Variants in PHYHIP observed in about 807,000 individuals in gnomAD.
The protein encoded by PHYHIP is phytanoyl-CoA 2-hydroxylase interacting protein.
Under a neutral mutation model 26.1 loss-of-function variants are expected in PHYHIP, and 7 were observed. That is an observed-to-expected ratio of 0.27 (90% CI 0.15 to 0.50). The LOEUF is 0.50. PHYHIP is among the 20% of genes least tolerant of loss of function. The pLI is 0.98. For synonymous variants in PHYHIP, 206 were observed against 183.4 expected (o/e 1.12, Z -1.00); for missense variants, 232 against 454.7 (o/e 0.51, Z 4.45).
chr8:22,230,919 A>G (rs12541335), intron 1 of PHYHIP, among the ~76,000 whole-genome samples: 52,305 of 152,100 alleles, frequency 0.34, 10,135 homozygotes, highest in Non-Finnish European at 0.45. Flanking sequence ...ACCAACATGC[A>G]TGTGTGCCAC....
chr8:22,225,433 G>A (rs1829722681), intron 3 of PHYHIP, among the ~76,000 whole-genome samples: 1 of 152,026 alleles, frequency 6.6e-6, no homozygotes, highest in Non-Finnish European at 1.5e-5. Flanking sequence ...TGCTGAGGCT[G>A]CAGTGAGCCA....
chr8:22,221,091 A>G lies in PHYHIP; in HGVS notation c.*262T>C. On this transcript the variant is annotated 3_prime_UTR_variant, in exon 5 of 5. Coordinates refer to ENST00000454243, the MANE Select transcript of PHYHIP (RefSeq NM_014759.5). The surrounding 1 kb of genome is among the most constrained non-coding windows in gnomAD (Gnocchi z 7.9). ...CAGTAGGACAAGGAAACCAGAGGAA[A>G]GGGGAAGTTCTCCAGAAGTCCAGCC... The G allele has an allele frequency of 2.2e-6, 1 of 453,408 alleles. No homozygotes were observed. Among genetic ancestry groups the G allele is most frequent in the Non-Finnish European group, 3.9e-6 (1 of 255,444 alleles). 28.1% of individuals were successfully genotyped at this position (453,408 alleles called of 1,614,324 possible). A position where few individuals can be genotyped will look rare whatever the true frequency, so the allele number is the denominator to read the frequency against.
At chr8:22,230,009 A>C (rs1586495675) in intron 1 of PHYHIP, among the ~76,000 whole-genome samples, 1 of 152,126 alleles carries the variant, frequency 6.6e-6, no homozygotes, top group Non-Finnish European at 1.5e-5. Context: ...GTGCATGGGG[A>C]ATCCTATGGT....
chr8:22,222,681 C>T (rs541534609), intron 4 of PHYHIP, among the ~76,000 whole-genome samples: 2 of 152,328 alleles, frequency 1.3e-5, no homozygotes, highest in East Asian at 3.9e-4. Flanking sequence ...TTTATCTTTA[C>T]ATCCTGGCAC....
chr8:22,225,746 A>T (rs1354539600), intron 3 of PHYHIP, among the ~76,000 whole-genome samples: 1 of 150,628 alleles, frequency 6.6e-6, no homozygotes, highest in African/African-American at 2.4e-5. Context: ...CGGAGATTGC[A>T]GTGAGCCGAG....
chr8:22,224,537 G>A (rs1013562803), intron 3 of PHYHIP, among the ~76,000 whole-genome samples, 194 bp from the exon 4 acceptor site: 1 of 152,176 alleles, frequency 6.6e-6, no homozygotes, highest in Non-Finnish European at 1.5e-5. Flanking sequence ...AACACAGAGC[G>A]CTGCATACTG....
intron 1 of PHYHIP, chr8:22,228,883 G>A (rs1166740729): frequency 6.5e-6 from 1 of 153,774 alleles, no homozygotes; most frequent in Non-Finnish European, 1.4e-5. Context: ...CCTCACTGGG[G>A]TCAGCAAGCG....
At chr8:22,228,956 G>C (rs1829813966) in intron 1 of PHYHIP, 2 of 152,414 alleles carry the variant, frequency 1.3e-5, no homozygotes, top group Admixed American at 1.3e-4. Context: ...CATTCGTGGT[G>C]GGAGGGGTAC....
intron 2 of PHYHIP, among the ~76,000 whole-genome samples, chr8:22,227,422 G>A (rs1185537269): frequency 3.9e-5 from 6 of 152,166 alleles, no homozygotes; most frequent in Admixed American, 3.9e-4. Context: ...GGGTTAAGGG[G>A]GTGGTGTTGA....
chr8:22,222,584 C>G (rs1373353843), intron 4 of PHYHIP, among the ~76,000 whole-genome samples: 1 of 152,182 alleles, frequency 6.6e-6, no homozygotes, highest in Non-Finnish European at 1.5e-5. Context: ...GAACTGTGCT[C>G]AACAATTACA....
chr8:22,224,737 A>G lies in PHYHIP; in HGVS notation c.341-394T>C, dbSNP rs572926597. On this transcript the variant is annotated intron_variant, in intron 3 of 4. Coordinates refer to ENST00000454243, the MANE Select transcript of PHYHIP (RefSeq NM_014759.5). ...CGGGAGGGCTTGAGGTCCTTTTGGG[A>G]AAGTCTCTCAAATACAGTAGATAGG... Among the ~76,000 whole-genome samples, 6 of 152,278 alleles carry G rather than the reference A, an allele frequency of 3.9e-5. No individual in the cohort carries two copies. In the South Asian group the frequency reaches 1.2e-3, roughly 32 times the overall value.
Position 22,221,657 on chromosome 8 carries a change from G to A in PHYHIP, c.689C>T (p.Thr230Met), listed in dbSNP as rs1020938428. The A allele has an allele frequency of 1.9e-6, 3 of 1,612,986 alleles. No homozygotes were observed. Among genetic ancestry groups the A allele is most frequent in the African/African-American group, 1.3e-5 (1 of 75,036 alleles). Residue 230 changes from threonine (T) to methionine (M), a missense_variant, in exon 5 of 5, where the codon ACG becomes ATG. Transcript: ENST00000454243. This position sits in a 1 kb window ranked among gnomAD's most constrained non-coding sequence, Gnocchi z 7.9. The part of the protein sequence containing the change: ...LYFADFYCMY[T>M]AYHYAILVLA... ...CACCAGGATGGCGTAGTGGTAGGCCGTGTACATGCAGTAGAAGTCCGCAAA... is the reference window on the plus strand; with the variant it reads ...CACCAGGATGGCGTAGTGGTAGGCCATGTACATGCAGTAGAAGTCCGCAAA...
intron 1 of PHYHIP, among the ~76,000 whole-genome samples, chr8:22,230,032 C>A (rs1016854304): frequency 6.6e-6 from 1 of 152,148 alleles, no homozygotes; most frequent in South Asian, 2.1e-4. Flanking sequence ...ATAAGCATGG[C>A]GGTGCTACCA....
At position 22,224,410 on chromosome 8, in the gene PHYHIP, C is replaced by T. The variant is rs1829700270; in HGVS notation, c.341-67G>A. The T allele has an allele frequency of 5.8e-6, 5 of 861,568 alleles. No individual in the cohort carries two copies. In the South Asian group the frequency reaches 6.9e-5, roughly 12 times the overall value. The allele number at this position is 861,568 out of a possible 1,614,324, so 53.4% of individuals were successfully genotyped here. A position where few individuals can be genotyped will look rare whatever the true frequency, so the allele number is the denominator to read the frequency against. ...GAGGAGCACAAACACCTCCTGTCCC[C>T]ACCCCACCCCACACTGTGTGTGCCG... On this transcript the variant is annotated intron_variant, in intron 3 of 4. Coordinates refer to ENST00000454243, the MANE Select transcript of PHYHIP (RefSeq NM_014759.5).
rs773446935 is a variant in PHYHIP, at chr8:22,226,930, G to C, written c.261C>G (p.Ala87=). 2.5e-6 allele frequency: 4 copies of C among 1,614,092 alleles called. No individual in the cohort carries two copies. Among genetic ancestry groups the C allele is most frequent in the Non-Finnish European group, 2.5e-6 (3 of 1,180,024 alleles). Residue 87 remains alanine, a synonymous_variant, in exon 3 of 5, where the codon GCC becomes GCG. Coordinates refer to ENST00000454243, the MANE Select transcript of PHYHIP (RefSeq NM_014759.5). ...FLSPRTEYSV[A]VQTAVKQSDG... is the part of the protein sequence containing the mutation. ...CGCTCTGCTTCACTGCCGTCTGCAC[G>C]GCCACACTGTACTCCGTGCGGGGGC...
Position 22,221,346 on chromosome 8 carries a change from G to C in PHYHIP, c.*7C>G. 6.4e-7 allele frequency: 1 copy of C among 1,559,110 alleles called. No individual in the cohort carries two copies. Among genetic ancestry groups the C allele is most frequent in the Non-Finnish European group, 8.7e-7 (1 of 1,148,416 alleles). The stretch of plus-strand genomic sequence containing the variant: ...CTCTCCCTCGCCCCCCAGCTCCCCA[G>C]GAGTCCCTAGCGGCCCACGCTGATG... On this transcript the variant is annotated 3_prime_UTR_variant, in exon 5 of 5. Coordinates refer to ENST00000454243, the MANE Select transcript of PHYHIP (RefSeq NM_014759.5). The surrounding 1 kb of genome is among the most constrained non-coding windows in gnomAD (Gnocchi z 7.9).
Position 22,226,922 on chromosome 8 carries a change from G to A in PHYHIP, c.269C>T (p.Thr90Met), listed in dbSNP as rs1829758865. The change falls in exon 3 of 5, where the codon ACG becomes ATG. Residue 90 changes from threonine (T) to methionine (M), a missense_variant. Thr to Met is a moderately conservative substitution (Grantham distance 81). Coordinates refer to ENST00000454243, the MANE Select transcript of PHYHIP (RefSeq NM_014759.5). ...CTCCCCATCGCTCTGCTTCACTGCC[G>A]TCTGCACGGCCACACTGTACTCCGT... ...PRTEYSVAVQ[T>M]AVKQSDGEYL... The A allele has an allele frequency of 1.9e-6, 3 of 1,614,100 alleles. No individual in the cohort carries two copies. The highest frequency in any genetic ancestry group is 2.5e-6 in the Non-Finnish European group (3 of 1,179,996).
intron 1 of PHYHIP, among the ~76,000 whole-genome samples, chr8:22,230,846 C>A (rs60797784): frequency 0.026 from 3,898 of 152,260 alleles, 162 homozygotes; most frequent in African/African-American, 0.089. Flanking sequence ...CAGGCTCACG[C>A]ACACACACGT....
At chr8:22,227,796 T>C (rs995611818) in intron 2 of PHYHIP, 8 of 448,004 alleles carry the variant, frequency 1.8e-5, no homozygotes, top group African/African-American at 1.6e-4. Flanking sequence ...AGCGAGGCTG[T>C]GCCCTGAGCC....
Sources: allele counts gnomAD v4.1 joint callset (sites outside exome capture counted in the v4.1 genomes callset), GRCh38; gene constraint gnomAD v4.1.1; non-coding constraint Gnocchi (gnomAD v3.1); transcripts MANE v1.5; gene names NCBI Gene and HGNC (gene_info 2026-07-23, HGNC 2026-07-21).